Variants in HM13 observed in about 807,000 individuals in gnomAD.
HM13 encodes signal peptide peptidase.
A neutral mutation model predicts 50.0 loss-of-function variants in HM13; 18 were observed. The ratio of observed to expected loss-of-function variants is 0.36; its 90% CI spans 0.25 to 0.53. HM13 has a LOEUF of 0.53. Among genes scored for constraint, HM13 ranks in the 20% least tolerant of loss-of-function variants. HM13 has a pLI of 0.90. For missense variants in HM13, 393 were observed against 552.4 expected, an observed-to-expected ratio of 0.71 and a Z score of 2.89; for synonymous variants, 197 against 232.6, an observed-to-expected ratio of 0.85 and a Z score of 1.39.
intron 3 of HM13, among the ~76,000 whole-genome samples, chr20:31,544,592 G>T (rs561379375): frequency 1.2e-4 from 19 of 152,226 alleles, no homozygotes; most frequent in Non-Finnish European, 7.3e-5. Flanking sequence ...GACTCATATA[G>T]GTGGCATGTG....
At chr20:31,532,208 C>T (rs1361369446) in intron 2 of HM13, among the ~76,000 whole-genome samples, 3 of 151,836 alleles carry the variant, frequency 2.0e-5, no homozygotes, top group African/African-American at 2.4e-5. Flanking sequence ...GGGTGTATCA[C>T]GAGGTCAGGA....
chr20:31,533,741 C>T (rs1026873497), intron 2 of HM13, among the ~76,000 whole-genome samples: 3 of 152,200 alleles, frequency 2.0e-5, no homozygotes, highest in African/African-American at 7.2e-5. Flanking sequence ...GGCCGTGGGT[C>T]TCCTTCTGTA....
chr20:31,530,562 C>G (rs1329648250), intron 2 of HM13, among the ~76,000 whole-genome samples: 2 of 152,098 alleles, frequency 1.3e-5, no homozygotes, highest in African/African-American at 2.4e-5. Flanking sequence ...AGGTGCATGC[C>G]ACCACACCCA....
At chr20:31,521,854 CTTT>C (rs368753723) in intron 1 of HM13, among the ~76,000 whole-genome samples, 37 of 120,584 alleles carry the variant, frequency 3.1e-4, no homozygotes, top group Admixed American at 4.3e-4. Flanking sequence ...GTCTCCCATT[CTTT>C]TTTTTTTTTT....
intron 3 of HM13, chr20:31,539,138 G>A: frequency 2.0e-6 from 2 of 985,394 alleles, no homozygotes; most frequent in South Asian, 9.4e-5. Context: ...TCATTAGAGG[G>A]GGTTGCTACT....
At position 31,550,056 on chromosome 20, in the gene HM13, CCTT is replaced by C. The variant is rs1568793618; in HGVS notation, c.667-5_667-3del. 4.3e-6 allele frequency: 7 copies of C among 1,612,138 alleles called. No individual in the cohort carries two copies. Among genetic ancestry groups the C allele is most frequent in the African/African-American group, 1.3e-5 (1 of 74,960 alleles). The stretch of plus-strand genomic sequence containing the variant: ...TCCCTTCATACTGCTCTTTTTTTCT[CCTT>C]CTAGGTATTTGGCACCAATGTGATG... On this transcript the variant is annotated splice_region_variant and splice_polypyrimidine_tract_variant and intron_variant, in intron 6 of 12. Coordinates refer to ENST00000398174, the MANE Select transcript of HM13 (RefSeq NM_178581.3).
chr20:31,562,344 A>C (rs1268594893), intron 10 of HM13: 1 of 156,366 alleles, frequency 6.4e-6, no homozygotes, highest in African/African-American at 2.4e-5. Context: ...ACTGGAAATA[A>C]TAAGAGCTCC....
At chr20:31,544,348 C>T (rs1021653799) in intron 3 of HM13, among the ~76,000 whole-genome samples, 4 of 152,196 alleles carry the variant, frequency 2.6e-5, no homozygotes, top group East Asian at 1.9e-4. Context: ...CTTCTAGAGA[C>T]GAGGCCAAGC....
chr20:31,514,856 A>C lies in HM13; in HGVS notation c.183+122A>C. On this transcript the variant is annotated intron_variant, in intron 1 of 12. Coordinates refer to ENST00000398174, the MANE Select transcript of HM13 (RefSeq NM_178581.3). The surrounding 1 kb of genome is among the most constrained non-coding windows in gnomAD (Gnocchi z 4.3). ...CTGACTCTTCCCAGCCCTGATCACC[A>C]CCGTTCCCTCTGTCTCGGGCCCACA... is the stretch of plus-strand genomic sequence containing the variant. 2 of 989,966 alleles carry C rather than the reference A, an allele frequency of 2.0e-6. No homozygotes were observed. Among genetic ancestry groups the C allele is most frequent in the South Asian group, 1.8e-5 (1 of 55,670 alleles). The allele number at this position is 989,966 out of a possible 1,614,324, so 61.3% of individuals were successfully genotyped here.
intron 1 of HM13, among the ~76,000 whole-genome samples, chr20:31,515,435 C>G (rs943249613): frequency 6.6e-5 from 10 of 152,254 alleles, no homozygotes; most frequent in Admixed American, 5.9e-4. Context: ...TCTTATTTTC[C>G]TGGTTTCCTC....
intron 9 of HM13, 95 bp from the exon 10 acceptor site, chr20:31,561,539 A>AGGTCTTC: frequency 1.2e-6 from 1 of 849,668 alleles, no homozygotes. Flanking sequence ...CCCCCCCACA[A>AGGTCTTC]CCTCTAGGGT....
In HM13 at chr20:31,520,301, TTTTG is replaced by T. The variant is rs955483870; in HGVS notation, c.183+5582_183+5585del. On this transcript the variant is annotated intron_variant, in intron 1 of 12. Coordinates refer to ENST00000398174, the MANE Select transcript of HM13 (RefSeq NM_178581.3). ...AGAGGTTTTGTTTTTTTGTTGTTGT[TTTTG>T]TTTGTTTGTTTGTTCATTTGTTAGA... is the stretch of plus-strand genomic sequence containing the variant. 1.1e-4 allele frequency among the ~76,000 whole-genome samples: 17 copies of T among 152,132 alleles called. No individual in the cohort carries two copies. The South Asian group carries it at 1.5e-3, about 13-fold the overall frequency.
chr20:31,564,834 ACT>A (rs373318293), intron 10 of HM13, among the ~76,000 whole-genome samples: 2 of 146,526 alleles, frequency 1.4e-5, no homozygotes, highest in African/African-American at 5.2e-5. Context: ...ACAGAGCAAG[ACT>A]CTATCTCAAA....
intron 7 of HM13, among the ~76,000 whole-genome samples, chr20:31,551,709 T>G (rs1984042773): frequency 6.6e-6 from 1 of 152,174 alleles, no homozygotes; most frequent in Non-Finnish European, 1.5e-5. Flanking sequence ...ATGGAAGCAC[T>G]GGCTCGTGGC....
chr20:31,547,491 T>C (rs1373771624), intron 4 of HM13: 4 of 663,380 alleles, frequency 6.0e-6, no homozygotes, highest in Non-Finnish European at 1.1e-5. Flanking sequence ...TGTCGCCCGC[T>C]TCACCCTGGA....
At chr20:31,549,389 C>T (rs1983903662) in intron 6 of HM13, 57 bp downstream of exon 6, 3 of 1,607,678 alleles carry the variant, frequency 1.9e-6, no homozygotes, top group Non-Finnish European at 2.6e-6. Flanking sequence ...CATCTCATCA[C>T]CCTGCCTCTC....
intron 1 of HM13, among the ~76,000 whole-genome samples, chr20:31,525,099 C>G (rs1982410740): frequency 6.6e-6 from 1 of 152,160 alleles, no homozygotes; most frequent in Admixed American, 6.6e-5. Context: ...AAAGGCTGGA[C>G]AGGTTTATAC....
At chr20:31,524,050 C>G (rs901964338) in intron 1 of HM13, among the ~76,000 whole-genome samples, 3 of 152,166 alleles carry the variant, frequency 2.0e-5, no homozygotes, top group Non-Finnish European at 4.4e-5. Context: ...GTTTGCCAGG[C>G]TGTTTCGCAT....
chr20:31,546,030 T>A (rs1053849920), intron 4 of HM13, among the ~76,000 whole-genome samples: 2 of 148,012 alleles, frequency 1.4e-5, no homozygotes, highest in African/African-American at 5.1e-5. Flanking sequence ...ATACTGAGCA[T>A]GTGAAATCTA....
Sources: gnomAD v4.1 joint callset for allele counts (sites outside exome capture counted in the v4.1 genomes callset) on GRCh38, gnomAD v4.1.1 for gene constraint, Gnocchi (gnomAD v3.1) non-coding constraint, MANE v1.5 for transcripts, NCBI Gene and HGNC (gene_info 2026-07-23, HGNC 2026-07-21) for gene names.